The following SPIN1 variants were observed in gnomAD, a reference collection of about 807,000 sequenced individuals.
SPIN1 encodes spindlin-1.
In SPIN1, 3 loss-of-function variants were observed where a neutral mutation model predicts 26.0. The observed-to-expected ratio is 0.12, with a 90% confidence interval of 0.05 to 0.30. SPIN1 has a LOEUF of 0.30. Ranked by LOEUF, SPIN1 falls within the 10% of genes least tolerant of loss-of-function variation. The pLI is 1.00. For missense variants in SPIN1, 126 were observed against 333.4 expected (o/e 0.38, Z 4.84); for synonymous variants, 101 against 116.5 (o/e 0.87, Z 0.86).
intron 1 of SPIN1, among the ~76,000 whole-genome samples, chr9:88,401,916 A>C (rs916693368): frequency 2.6e-5 from 4 of 152,338 alleles, no homozygotes; most frequent in East Asian, 3.9e-4. Context: ...TATGGGATGC[A>C]TATGAATACT....
chr9:88,400,109 C>T (rs988725686), intron 1 of SPIN1, among the ~76,000 whole-genome samples: 1 of 152,146 alleles, frequency 6.6e-6, no homozygotes, highest in Non-Finnish European at 1.5e-5. Context: ...AATTGGCCTC[C>T]CTTTGGGTAG....
In SPIN1 at chr9:88,461,925, A is replaced by G. The variant is rs770817999; in HGVS notation, c.102-571A>G. Among the ~76,000 whole-genome samples, 13 of 152,338 alleles carry G rather than the reference A, an allele frequency of 8.5e-5. No homozygotes were observed. The East Asian group carries it at 1.2e-3, about 14-fold the overall frequency. ...TGTTTTCTAGACAAGTAATGTTTCT[A>G]TAGTGCATTGATATAAGCTAGTCTG... On this transcript the variant is annotated intron_variant, in intron 3 of 5. Transcript: ENST00000375859.
intron 2 of SPIN1, among the ~76,000 whole-genome samples, chr9:88,448,527 T>A (rs1828297306): frequency 6.6e-6 from 1 of 151,890 alleles, no homozygotes; most frequent in Non-Finnish European, 1.5e-5. Flanking sequence ...TGTTGTTTTT[T>A]TTGTAGAGAC....
At chr9:88,404,984 C>G (rs1052993692) in intron 1 of SPIN1, among the ~76,000 whole-genome samples, 2 of 151,702 alleles carry the variant, frequency 1.3e-5, no homozygotes, top group Non-Finnish European at 2.9e-5. Context: ...TCTTCCACCT[C>G]GGCATCTTGT....
At chr9:88,401,296 AG>A (rs1180795332) in intron 1 of SPIN1, among the ~76,000 whole-genome samples, 2 of 152,196 alleles carry the variant, frequency 1.3e-5, no homozygotes, top group African/African-American at 4.8e-5. Flanking sequence ...GTTAAGGTAG[AG>A]TAAATGACCA....
rs1407020506 is a variant in SPIN1, at chr9:88,478,226, C to T, written c.*2949C>T. The T allele has an allele frequency of 4.6e-5, 7 of 152,636 alleles. No homozygotes were observed. Among genetic ancestry groups the T allele is most frequent in the Non-Finnish European group, 1.0e-4 (7 of 68,038 alleles). The allele number at this position is 152,636 out of a possible 1,614,324, so 9.5% of individuals were successfully genotyped here. On this transcript the variant is annotated 3_prime_UTR_variant, in exon 6 of 6. Coordinates refer to ENST00000375859, the MANE Select transcript of SPIN1 (RefSeq NM_006717.3). The stretch of plus-strand genomic sequence containing the variant: ...GTTTTATGTGCCAAACCACGAAGTG[C>T]ATTGGGCTTCAATCTCTGAACACTG...
intron 1 of SPIN1, among the ~76,000 whole-genome samples, chr9:88,400,103 G>A (rs1439847078): frequency 6.6e-6 from 1 of 152,100 alleles, no homozygotes; most frequent in Non-Finnish European, 1.5e-5. Flanking sequence ...ACCTGTAATT[G>A]GCCTCCCTTT....
At chr9:88,411,236 G>T in intron 1 of SPIN1, 1 of 1,143,182 alleles carries the variant, frequency 8.7e-7, no homozygotes, top group Non-Finnish European at 1.3e-6. Flanking sequence ...CACCTTGTGT[G>T]GCCTTGCATT....
At chr9:88,416,478 A>G (rs551650876) in intron 1 of SPIN1, among the ~76,000 whole-genome samples, 3 of 152,230 alleles carry the variant, frequency 2.0e-5, no homozygotes, top group Admixed American at 1.3e-4. Flanking sequence ...GTATACCACC[A>G]CATCTGGCAT....
At chr9:88,439,165 C>T (rs1055477930) in intron 2 of SPIN1, among the ~76,000 whole-genome samples, 4 of 152,130 alleles carry the variant, frequency 2.6e-5, no homozygotes, top group African/African-American at 2.4e-5. Flanking sequence ...GATATTCTGG[C>T]GCTGCTACTG....
At chr9:88,407,040 C>G (rs1021196969) in intron 1 of SPIN1, among the ~76,000 whole-genome samples, 1 of 151,668 alleles carries the variant, frequency 6.6e-6, no homozygotes, top group Admixed American at 6.6e-5. Context: ...TTTTCTTCTG[C>G]CCGAAGAACA....
chr9:88,414,218 T>A (rs1827515559), intron 1 of SPIN1, among the ~76,000 whole-genome samples: 1 of 152,126 alleles, frequency 6.6e-6, no homozygotes, highest in African/African-American at 2.4e-5. Context: ...ATCCATTGAA[T>A]CATTGGCCTT....
At chr9:88,418,912 A>G (rs972395795) in intron 1 of SPIN1, 1 of 152,214 alleles carries the variant, frequency 6.6e-6, no homozygotes, top group African/African-American at 2.4e-5. Flanking sequence ...TGAGGAGTGC[A>G]TGACACATAG....
intron 1 of SPIN1, chr9:88,391,979 G>T (rs1564019145): frequency 6.6e-6 from 1 of 152,194 alleles, no homozygotes; most frequent in Non-Finnish European, 1.5e-5. Flanking sequence ...AGCAAATATT[G>T]GTGAAAGAGC....
chr9:88,418,059 T>A (rs1404390047), intron 1 of SPIN1, among the ~76,000 whole-genome samples: 1 of 152,236 alleles, frequency 6.6e-6, no homozygotes, highest in Non-Finnish European at 1.5e-5. Flanking sequence ...TCTCTGCAGC[T>A]GTCCTTTTGG....
At chr9:88,393,401 C>G (rs1282566027) in intron 1 of SPIN1, among the ~76,000 whole-genome samples, 1 of 146,002 alleles carries the variant, frequency 6.8e-6, no homozygotes, top group Non-Finnish European at 1.5e-5. Context: ...TAACCTGACA[C>G]AGGCAATAAG....
At chr9:88,456,205 T>A (rs1323735711) in intron 3 of SPIN1, among the ~76,000 whole-genome samples, 1 of 150,896 alleles carries the variant, frequency 6.6e-6, no homozygotes, top group Non-Finnish European at 1.5e-5. Context: ...TTTATTCATT[T>A]TATACACAGA....
chr9:88,430,335 C>CT (rs1827844270), intron 2 of SPIN1, among the ~76,000 whole-genome samples: 1 of 152,170 alleles, frequency 6.6e-6, no homozygotes, highest in South Asian at 2.1e-4. Flanking sequence ...ATGGAGGCTT[C>CT]CAGATAGTAT....
In SPIN1 at chr9:88,477,794, A is replaced by C. The variant is rs1828913709; in HGVS notation, c.*2517A>C. 6.6e-6 allele frequency: 1 copy of C among 152,446 alleles called. No individual in the cohort carries two copies. Among genetic ancestry groups the C allele is most frequent in the Non-Finnish European group, 1.5e-5 (1 of 68,008 alleles). 9.4% of individuals were successfully genotyped at this position (152,446 alleles called of 1,614,324 possible). A position where few individuals can be genotyped will look rare whatever the true frequency, so the allele number is the denominator to read the frequency against. On this transcript the variant is annotated 3_prime_UTR_variant, in exon 6 of 6. Coordinates refer to ENST00000375859, the MANE Select transcript of SPIN1 (RefSeq NM_006717.3). ...ATACAAGACATGAATCTATGTATAA[A>C]ATTTATCGGCCTTTCTCATTTACCT...
Sources: allele counts gnomAD v4.1 joint callset (sites outside exome capture counted in the v4.1 genomes callset), GRCh38; gene constraint gnomAD v4.1.1; transcripts MANE v1.5; gene names NCBI Gene and HGNC (gene_info 2026-07-23, HGNC 2026-07-21).